MAGI2: variants seen among roughly 807,000 people sequenced by gnomAD.
The protein encoded by MAGI2 is membrane associated guanylate kinase, WW and PDZ domain containing 2.
Under a neutral mutation model 133.3 loss-of-function variants are expected in MAGI2, and 35 were observed. The observed-to-expected ratio is 0.26, with a 90% confidence interval of 0.20 to 0.35. The LOEUF is 0.35. Ranked by LOEUF, MAGI2 falls within the 10% of genes least tolerant of loss-of-function variation. The pLI, the probability that MAGI2 is intolerant of heterozygous loss-of-function variation, is 1.00. For missense variants in MAGI2, 1,636 were observed against 1,863.4 expected (o/e 0.88, Z 2.25); for synonymous variants, 729 against 710.6 (o/e 1.03, Z -0.41).
intron 9 of MAGI2, among the ~76,000 whole-genome samples, chr7:78,295,708 G>C (rs764436642): frequency 1.3e-5 from 2 of 152,020 alleles, no homozygotes; most frequent in Admixed American, 6.6e-5. Flanking sequence ...CGATCCCATG[G>C]ATTTCAATGT....
At chr7:78,032,196 A>G (rs1176538868) in intron 21 of MAGI2, among the ~76,000 whole-genome samples, 3 of 151,898 alleles carry the variant, frequency 2.0e-5, no homozygotes, top group Non-Finnish European at 4.4e-5. Flanking sequence ...ATATCTTTCT[A>G]CATTAGAACC....
chr7:79,075,528 ATGT>A (rs1338347981), intron 1 of MAGI2, among the ~76,000 whole-genome samples: 3 of 152,144 alleles, frequency 2.0e-5, no homozygotes, highest in Non-Finnish European at 4.4e-5. Flanking sequence ...TGGGAGGCTG[ATGT>A]GGGCAGATCG....
chr7:79,068,631 C>A (rs781499388), intron 1 of MAGI2, among the ~76,000 whole-genome samples: 2 of 152,164 alleles, frequency 1.3e-5, no homozygotes, highest in African/African-American at 2.4e-5. Context: ...CTTCTGCTAG[C>A]TTTTGAATTT....
At chr7:79,351,994 T>C (rs923587891) in intron 1 of MAGI2, 16 of 152,222 alleles carry the variant, frequency 1.1e-4, no homozygotes, top group African/African-American at 3.6e-4. Flanking sequence ...TTTGTTTTTA[T>C]TGAAATGCGT....
intron 6 of MAGI2, among the ~76,000 whole-genome samples, chr7:78,416,387 A>T (rs1489060355): frequency 2.2e-5 from 3 of 138,362 alleles, no homozygotes; most frequent in African/African-American, 8.3e-5. Context: ...TATGTTACAT[A>T]CATGATTGGA....
At chr7:78,286,981 A>G (rs1039024830) in intron 9 of MAGI2, among the ~76,000 whole-genome samples, 2 of 152,194 alleles carry the variant, frequency 1.3e-5, no homozygotes, top group Non-Finnish European at 2.9e-5. Context: ...AAGGCTGCAC[A>G]TGGTAAGTTG....
intron 21 of MAGI2, among the ~76,000 whole-genome samples, chr7:78,038,415 A>ACT (rs1810464013): frequency 3.5e-5 from 1 of 28,348 alleles, no homozygotes; most frequent in African/African-American, 4.9e-4. Flanking sequence ...TTTTTAATTA[A>ACT]CTTTAATTTT....
At chr7:78,168,158 C>CTTT (rs113437537) in intron 14 of MAGI2, 50 bp from the exon 15 acceptor site, 109 of 1,276,596 alleles carry the variant, frequency 8.5e-5, no homozygotes, top group Non-Finnish European at 1.1e-4. Flanking sequence ...ATCCTTTTTC[C>CTTT]TTTTTTTTTT....
At chr7:78,769,425 T>C (rs1407395024) in intron 2 of MAGI2, among the ~76,000 whole-genome samples, 4 of 152,112 alleles carry the variant, frequency 2.6e-5, no homozygotes, top group Non-Finnish European at 2.9e-5. Flanking sequence ...AATGGAAACC[T>C]ATGATTGCCA....
Position 78,030,456 on chromosome 7 carries a change from C to T in MAGI2, c.3707-10480G>A, listed in dbSNP as rs565022285. On this transcript the variant is annotated intron_variant, in intron 21 of 21. Transcript: ENST00000354212. ...ATTTTTAGTAGAGACGGGGTTTCAC[C>T]ATGTTGGCCAGGATGGTCTTGATCT... Among the ~76,000 whole-genome samples, 150 of 152,204 alleles carry T rather than the reference C, an allele frequency of 9.9e-4. 1 individual carries two copies. The highest frequency in any genetic ancestry group is 3.1e-3 in the African/African-American group (130 of 41,524).
Position 78,374,428 on chromosome 7 carries a change from A to T in MAGI2, c.1046-5215T>A, listed in dbSNP as rs551926976. On this transcript the variant is annotated intron_variant, in intron 6 of 21. Transcript: ENST00000354212. ...AAAGTTATTTGTTTTTTGCTTCTTCAATTAAGTTTCTTATGGATTTTGGGT... is the reference window on the plus strand; with the variant it reads ...AAAGTTATTTGTTTTTTGCTTCTTCTATTAAGTTTCTTATGGATTTTGGGT... 9.9e-5 allele frequency among the ~76,000 whole-genome samples: 15 copies of T among 152,194 alleles called. No individual in the cohort carries two copies. The South Asian group carries it at 3.1e-3, about 32-fold the overall frequency.
intron 9 of MAGI2, among the ~76,000 whole-genome samples, chr7:78,257,890 A>G (rs912738449): frequency 6.6e-6 from 1 of 152,230 alleles, no homozygotes; most frequent in African/African-American, 2.4e-5. Flanking sequence ...TAGGGATTTC[A>G]TTCTGAGACA....
intron 10 of MAGI2, among the ~76,000 whole-genome samples, chr7:78,209,266 T>C: frequency 1.3e-5 from 1 of 76,556 alleles, no homozygotes; most frequent in Non-Finnish European, 2.6e-5. Flanking sequence ...TAAAAGTCAT[T>C]CTTTTTTTTT....
chr7:79,444,622 C>G (rs1018294494), intron 1 of MAGI2, among the ~76,000 whole-genome samples: 1 of 151,816 alleles, frequency 6.6e-6, no homozygotes, highest in African/African-American at 2.4e-5. Flanking sequence ...TGAAGGACCT[C>G]TTTAAGGAGA....
chr7:78,358,074 C>A (rs2151223241), intron 7 of MAGI2, among the ~76,000 whole-genome samples: 1 of 140,374 alleles, frequency 7.1e-6, no homozygotes, highest in Middle Eastern at 4.3e-3. Context: ...TATCTCTGGG[C>A]TGGGCGTGAT....
intron 1 of MAGI2, among the ~76,000 whole-genome samples, chr7:79,260,862 A>C (rs1365726436): frequency 6.6e-6 from 1 of 152,082 alleles, no homozygotes; most frequent in African/African-American, 2.4e-5. Flanking sequence ...CATTTGAAAC[A>C]CTCTGGTCCC....
chr7:79,021,384 A>T (rs1809314058), intron 1 of MAGI2, among the ~76,000 whole-genome samples: 1 of 152,222 alleles, frequency 6.6e-6, no homozygotes, highest in African/African-American at 2.4e-5. Flanking sequence ...AGCCTGTGAA[A>T]GCGGCTGGGA....
intron 3 of MAGI2, among the ~76,000 whole-genome samples, chr7:78,551,258 G>A (rs1374053252): frequency 6.6e-6 from 1 of 152,082 alleles, no homozygotes; most frequent in African/African-American, 2.4e-5. Context: ...TACTTTAGTG[G>A]GTTGTTTAAA....
chr7:78,178,851 T>A (rs1584281615), intron 13 of MAGI2, among the ~76,000 whole-genome samples: 1 of 152,276 alleles, frequency 6.6e-6, no homozygotes, highest in East Asian at 1.9e-4. Context: ...GTACTCAAAA[T>A]AAATAGAAGA....
Sources: gnomAD v4.1 joint callset for allele counts (sites outside exome capture counted in the v4.1 genomes callset) on GRCh38, gnomAD v4.1.1 for gene constraint, MANE v1.5 for transcripts, NCBI Gene and HGNC (gene_info 2026-07-23, HGNC 2026-07-21) for gene names.